Variants in RYR3 observed in about 807,000 individuals in gnomAD.
The protein encoded by RYR3 is brain ryanodine receptor-calcium release channel.
A neutral mutation model predicts 584.3 loss-of-function variants in RYR3; 207 were observed. The ratio of observed to expected loss-of-function variants is 0.35; its 90% CI spans 0.32 to 0.40. RYR3 has a LOEUF of 0.40. Ranked by LOEUF, RYR3 falls within the 10% of genes least tolerant of loss-of-function variation. The probability of loss-of-function intolerance (pLI) is 1.00; values close to 1 mark genes in which losing one functional copy is unlikely to be tolerated. For synonymous variants in RYR3, 2,416 were observed against 2,248.5 expected (o/e 1.07, Z -2.11); for missense variants, 5,616 against 6,089.2 (o/e 0.92, Z 2.59).
At position 33,414,469 on chromosome 15, in the gene RYR3, C is replaced by A. The variant is rs114540882; in HGVS notation, c.52-58950C>A. Among the ~76,000 whole-genome samples the A allele has an allele frequency of 1.7e-3, 260 of 152,280 alleles. 5 individuals carry two copies. In the South Asian group the frequency reaches 0.03, roughly 17 times the overall value. ...TTATAGTTCTAAATATATAACAAAA[C>A]AACTCTGGCTCCCAGACCAAGAAAG... On this transcript the variant is annotated intron_variant, in intron 1 of 103. Transcript: ENST00000634891.
In RYR3 at chr15:33,720,052, C is replaced by T. The variant is rs2067794577; in HGVS notation, c.6620-2663C>T. On this transcript the variant is annotated intron_variant, in intron 43 of 103. Coordinates refer to ENST00000634891, the MANE Select transcript of RYR3 (RefSeq NM_001036.6). ...CAAACTTCTTTACAAAAATTTTAGA[C>T]TCTTGAAGGATTGAGCTATAAAACC... Among the ~76,000 whole-genome samples the T allele has an allele frequency of 2.0e-5, 3 of 152,098 alleles. No individual in the cohort carries two copies. In the South Asian group the frequency reaches 6.2e-4, roughly 32 times the overall value.
intron 67 of RYR3, among the ~76,000 whole-genome samples, chr15:33,799,880 A>G (rs1187919876): frequency 2.0e-4 from 30 of 152,196 alleles, no homozygotes; most frequent in Admixed American, 2.0e-3. Context: ...GTTTTATGTG[A>G]GAAAAACCCC....
At chr15:33,350,810 A>T (rs983820763) in intron 1 of RYR3, among the ~76,000 whole-genome samples, 1 of 151,148 alleles carries the variant, frequency 6.6e-6, no homozygotes, top group African/African-American at 2.4e-5. Flanking sequence ...AGAAAGCAGG[A>T]AAGATCCAAA....
intron 1 of RYR3, among the ~76,000 whole-genome samples, chr15:33,335,980 A>G (rs1970917471): frequency 6.6e-6 from 1 of 152,216 alleles, no homozygotes; most frequent in South Asian, 2.1e-4. Flanking sequence ...AAAGACAAGA[A>G]CAGCAATAAA....
intron 57 of RYR3, among the ~76,000 whole-genome samples, chr15:33,754,601 A>G (rs1174225145): frequency 6.6e-6 from 1 of 152,184 alleles, no homozygotes; most frequent in African/African-American, 2.4e-5. Flanking sequence ...TACAGTCTGC[A>G]AACCCTGGCA....
chr15:33,488,709 A>C (rs183947153), intron 2 of RYR3, among the ~76,000 whole-genome samples: 1 of 152,040 alleles, frequency 6.6e-6, no homozygotes. Context: ...AAAATTAGCC[A>C]GGCATGGTGA....
In RYR3 at chr15:33,772,100, C is replaced by T. The variant is rs8041960; in HGVS notation, c.8997C>T (p.Pro2999=). The T allele has an allele frequency of 5.6e-3, 8,987 of 1,613,730 alleles. 347 individuals are homozygous for T. In the African/African-American group the frequency reaches 0.09, roughly 16 times the overall value. Residue 2999 remains proline, a synonymous_variant, in exon 63 of 104, where the codon CCC becomes CCT. Transcript: ENST00000634891. ...NINYTTVALL[P]ILTSIFEHVT... ...ACTACACTACAGTGGCTCTGCTCCC[C>T]ATCCTGACGTCCATCTTTGAGCACG...
chr15:33,588,823 TG>T (rs1177584589), intron 16 of RYR3, among the ~76,000 whole-genome samples: 1 of 152,206 alleles, frequency 6.6e-6, no homozygotes, highest in Non-Finnish European at 1.5e-5. Flanking sequence ...ATTGTGTGTG[TG>T]TGTGTATATA....
rs766431661 is a variant in RYR3, at chr15:33,706,919, G to T, written c.6484G>T (p.Val2162Leu). 12 of 1,602,138 alleles carry T rather than the reference G, an allele frequency of 7.5e-6. No homozygotes were observed. The highest frequency in any genetic ancestry group is 1.7e-6 in the Non-Finnish European group (2 of 1,173,864). The change falls in exon 43 of 104, where the codon GTG becomes TTG. Residue 2162 changes from valine (V) to leucine (L), a missense_variant and splice_region_variant. By Grantham distance (32) the Val-to-Leu change is conservative. Around this residue, in one of 9 missense-constraint regions of RYR3, gnomAD observed 1,280 missense variants for 1,426.2 expected, o/e 0.90. Transcript: ENST00000634891. ...LSLEEPDLEKVVTYLAGCGLQ... is the reference protein window; with the variant it reads ...LSLEEPDLEKLVTYLAGCGLQ... Reference sequence around the variant, plus strand: ...AACACTTTTGTACTGTTTCTGGCAGGTGGTGACCTACTTGGCAGGCTGTGG... The same window carrying T: ...AACACTTTTGTACTGTTTCTGGCAGTTGGTGACCTACTTGGCAGGCTGTGG...
rs1595653709 is a variant in RYR3 at position 33,572,105 on chromosome 15, T to C, written c.1268+5306T>C. Among the ~76,000 whole-genome samples the C allele has an allele frequency of 2.6e-5, 4 of 152,242 alleles. No homozygotes were observed. In the South Asian group the frequency reaches 8.3e-4, roughly 31 times the overall value. ...CTTTGCCTACTCCTTTGTGATAATA[T>C]TGCCACATATATTATATCTTCATAA... On this transcript the variant is annotated intron_variant, in intron 12 of 103. Coordinates refer to ENST00000634891, the MANE Select transcript of RYR3 (RefSeq NM_001036.6).
chr15:33,746,267 C>T (rs370794605), intron 53 of RYR3, 110 bp downstream of exon 53: 11 of 782,404 alleles, frequency 1.4e-5, no homozygotes, highest in South Asian at 7.6e-5. Context: ...ACAACATCAT[C>T]ATCTAGGACT....
rs764392012 is a variant in RYR3, at chr15:33,439,465, A to C, written c.52-33954A>C. Among the ~76,000 whole-genome samples, 10 of 152,194 alleles carry C rather than the reference A, an allele frequency of 6.6e-5. No individual in the cohort carries two copies. The South Asian group carries it at 8.3e-4, about 13-fold the overall frequency. ...TTTAAAAGTACTGTATATCTTCTTC[A>C]TACTCTATTTGATTCAATTTGCCAT... On this transcript the variant is annotated intron_variant, in intron 1 of 103. Transcript: ENST00000634891.
At chr15:33,825,513 A>T in intron 81 of RYR3, 90 bp from the exon 82 acceptor site, 1 of 786,934 alleles carries the variant, frequency 1.3e-6, no homozygotes, top group Non-Finnish European at 2.2e-6. Context: ...CAGGGGCAGG[A>T]TATGCTTAGT....
intron 1 of RYR3, among the ~76,000 whole-genome samples, chr15:33,444,689 G>A (rs768279663): frequency 5.3e-5 from 8 of 152,152 alleles, no homozygotes; most frequent in East Asian, 3.8e-4. Flanking sequence ...AGACCTGAGC[G>A]GTGGGTCAAC....
At chr15:33,663,988 C>T (rs570741054) in intron 36 of RYR3, among the ~76,000 whole-genome samples, 4 of 152,254 alleles carry the variant, frequency 2.6e-5, no homozygotes, top group African/African-American at 9.6e-5. Flanking sequence ...TAACCCTCTC[C>T]AATGCCTCCA....
chr15:33,776,790 A>G (rs1487125112), intron 64 of RYR3, among the ~76,000 whole-genome samples: 4 of 152,218 alleles, frequency 2.6e-5, no homozygotes, highest in Non-Finnish European at 5.9e-5. Flanking sequence ...GTCTTTTCCT[A>G]TATCCCTAAC....
rs144288084 is a variant in RYR3 at position 33,381,577 on chromosome 15, C to G, written c.51+70481C>G. Among the ~76,000 whole-genome samples the G allele has an allele frequency of 3.9e-5, 6 of 152,302 alleles. No individual in the cohort carries two copies. The East Asian group carries it at 1.2e-3, about 29-fold the overall frequency. ...CATAGCCTTCTTCCTGCCCTGACCA[C>G]TCTTCTCAGTTTAATTTTTCCTTCA... is the stretch of plus-strand genomic sequence containing the variant. On this transcript the variant is annotated intron_variant, in intron 1 of 103. Transcript: ENST00000634891.
At chr15:33,342,267 CTG>C (rs1169136846) in intron 1 of RYR3, among the ~76,000 whole-genome samples, 2 of 152,186 alleles carry the variant, frequency 1.3e-5, no homozygotes, top group Non-Finnish European at 2.9e-5. Flanking sequence ...GCTTAGAAAA[CTG>C]AAAATTTGTT....
chr15:33,616,763 G>A (rs1158216306), intron 19 of RYR3, among the ~76,000 whole-genome samples: 1 of 152,172 alleles, frequency 6.6e-6, no homozygotes, highest in East Asian at 1.9e-4. Flanking sequence ...GAAACTATGA[G>A]CTCTGATATA....
Sources: gnomAD v4.1 joint callset for allele counts (sites outside exome capture counted in the v4.1 genomes callset) on GRCh38, gnomAD v4.1.1 for gene constraint, gnomAD v4.1.1 regional missense constraint, MANE v1.5 for transcripts, NCBI Gene and HGNC (gene_info 2026-07-23, HGNC 2026-07-21) for gene names.